The following SPPL3 variants were observed in gnomAD, a reference collection of about 807,000 sequenced individuals.
The protein encoded by SPPL3 is signal peptide peptidase-like 3.
In SPPL3, 5 loss-of-function variants were observed where a neutral mutation model predicts 42.4. The ratio of observed to expected loss-of-function variants is 0.12; its 90% CI spans 0.06 to 0.25. The LOEUF is 0.25. Among genes scored for constraint, SPPL3 ranks in the 10% least tolerant of loss-of-function variants. SPPL3 has a pLI of 1.00. For synonymous variants in SPPL3, 195 were observed against 181.8 expected (o/e 1.07, Z -0.58); for missense variants, 235 against 489.0 (o/e 0.48, Z 4.90).
chr12:120,895,102 G>A (rs1873760303), intron 1 of SPPL3, among the ~76,000 whole-genome samples: 1 of 152,024 alleles, frequency 6.6e-6, no homozygotes, highest in South Asian at 2.1e-4. Context: ...AGATCATGAA[G>A]GAAACTGTCT....
At chr12:120,835,888 G>C (rs1871603464) in intron 1 of SPPL3, among the ~76,000 whole-genome samples, 1 of 152,106 alleles carries the variant, frequency 6.6e-6, no homozygotes, top group Admixed American at 6.5e-5. Flanking sequence ...CCTTAGATTT[G>C]GTTGGTAACT....
chr12:120,767,331 T>C (rs1868949492), intron 9 of SPPL3, 63 bp downstream of exon 9: 2 of 1,545,674 alleles, frequency 1.3e-6, no homozygotes, highest in Non-Finnish European at 1.8e-6. Context: ...AGACCTGATT[T>C]AATTCCAAAG....
At chr12:120,814,557 C>T (rs914508504) in intron 1 of SPPL3, among the ~76,000 whole-genome samples, 1 of 152,108 alleles carries the variant, frequency 6.6e-6, no homozygotes, top group Admixed American at 6.6e-5. Flanking sequence ...TTGCACACAT[C>T]TTCCAAAATT....
Position 120,810,737 on chromosome 12 carries a change from A to C in SPPL3, c.101+72T>G, listed in dbSNP as rs1870654203. 1.2e-5 allele frequency: 14 copies of C among 1,200,750 alleles called. No homozygotes were observed. The South Asian group carries it at 1.7e-4, about 14-fold the overall frequency. 74.4% of individuals were successfully genotyped at this position (1,200,750 alleles called of 1,614,324 possible). A position where few individuals can be genotyped will look rare whatever the true frequency, so the allele number is the denominator to read the frequency against. On this transcript the variant is annotated intron_variant, in intron 2 of 10. Transcript: ENST00000353487. ...TTTTCTTCACAGAGTAAGTTTTGGT[A>C]CCAGCACTTTCAGAGCAATGCTTCC... is the stretch of plus-strand genomic sequence containing the variant.
chr12:120,766,036 G>A (rs1002787306), intron 10 of SPPL3, among the ~76,000 whole-genome samples: 5 of 151,904 alleles, frequency 3.3e-5, no homozygotes, highest in Non-Finnish European at 7.4e-5. Context: ...TAGCTCATCA[G>A]CATTTTCTGT....
chr12:120,853,979 C>CACAT (rs747806530), intron 1 of SPPL3, among the ~76,000 whole-genome samples: 2 of 97,356 alleles, frequency 2.1e-5, no homozygotes, highest in African/African-American at 7.6e-5. Context: ...CACACACGCA[C>CACAT]ACATACACAC....
At position 120,852,777 on chromosome 12, in the gene SPPL3, A is replaced by AC. The variant is rs1307530615; in HGVS notation, c.24-41892_24-41891insG. Among the ~76,000 whole-genome samples the AC allele has an allele frequency of 1.9e-3, 261 of 137,044 alleles. 40 individuals are homozygous for AC. The highest frequency in any genetic ancestry group is 2.7e-3 in the Non-Finnish European group (175 of 64,388). 89.9% of individuals were successfully genotyped at this position (137,044 alleles called of 152,430 possible). On this transcript the variant is annotated intron_variant, in intron 1 of 10. Coordinates refer to ENST00000353487, the MANE Select transcript of SPPL3 (RefSeq NM_139015.5). Reference sequence around the variant, plus strand: ...TATTATATCTATGTATATTATATATAAAATATATTTCATATATCATATATA... The same window carrying AC: ...TATTATATCTATGTATATTATATATACAAATATATTTCATATATCATATATA...
At chr12:120,830,970 G>A (rs908835547) in intron 1 of SPPL3, among the ~76,000 whole-genome samples, 6 of 152,182 alleles carry the variant, frequency 3.9e-5, no homozygotes, top group Non-Finnish European at 7.3e-5. Context: ...CAGCACTGAA[G>A]TGGGAACTGA....
chr12:120,767,653 T>C (rs1000993721), intron 8 of SPPL3, 60 bp from the exon 9 acceptor site: 1 of 1,566,384 alleles, frequency 6.4e-7, no homozygotes, highest in Non-Finnish European at 8.8e-7. Context: ...TCTATTCCTT[T>C]TGTGCAAAGT....
chr12:120,864,529 T>C (rs1026435062), intron 1 of SPPL3, among the ~76,000 whole-genome samples: 1 of 151,842 alleles, frequency 6.6e-6, no homozygotes. Context: ...CGAAACCCCA[T>C]CTCAAAAAAC....
At chr12:120,778,522 C>T (rs188039929) in intron 6 of SPPL3, among the ~76,000 whole-genome samples, 57 of 152,168 alleles carry the variant, frequency 3.7e-4, no homozygotes, top group Middle Eastern at 6.8e-3. Context: ...ATGGTCACAT[C>T]ACCCCCAAAA....
Position 120,783,718 on chromosome 12 carries a change from G to A in SPPL3, c.345C>T (p.Leu115=). The A allele has an allele frequency of 6.2e-7, 1 of 1,613,758 alleles. No homozygotes were observed. The highest frequency in any genetic ancestry group is 8.5e-7 in the Non-Finnish European group (1 of 1,179,818). Residue 115 remains leucine (L), a synonymous_variant, in exon 5 of 11, where the codon CTC becomes CTT. Transcript: ENST00000353487. ...LATIAFAFLL[L]PMCQYLTRPC... is the part of the protein sequence containing the mutation. Reference sequence around the variant, plus strand: ...GTCTTGTTAAATACTGGCACATCGGGAGGAGAAGAAAAGCAAAAGCTATCG... The same window carrying A: ...GTCTTGTTAAATACTGGCACATCGGAAGGAGAAGAAAAGCAAAAGCTATCG...
chr12:120,809,868 G>T (rs565968267), intron 2 of SPPL3, among the ~76,000 whole-genome samples: 1 of 152,110 alleles, frequency 6.6e-6, no homozygotes, highest in African/African-American at 2.4e-5. Context: ...CAGCAATTTT[G>T]TATGGCTCAA....
chr12:120,883,568 A>C (rs1217855713), intron 1 of SPPL3, among the ~76,000 whole-genome samples: 4 of 152,194 alleles, frequency 2.6e-5, no homozygotes, highest in African/African-American at 4.8e-5. Context: ...AAGAATGTTC[A>C]CAAGACTCCT....
Position 120,838,468 on chromosome 12 carries a change from G to A in SPPL3, c.24-27582C>T, listed in dbSNP as rs142933893. 5.9e-3 allele frequency among the ~76,000 whole-genome samples: 897 copies of A among 152,264 alleles called. 11 individuals carry two copies. The highest frequency in any genetic ancestry group is 0.02 in the African/African-American group (811 of 41,556). On this transcript the variant is annotated intron_variant, in intron 1 of 10. Transcript: ENST00000353487. ...ATCAGGGGCCAAGAAGATTTGATTCGGGGACTTCCATTTAAGCCTCCTGGG... is the reference window on the plus strand; with the variant it reads ...ATCAGGGGCCAAGAAGATTTGATTCAGGGACTTCCATTTAAGCCTCCTGGG...
intron 1 of SPPL3, 113 bp downstream of exon 1, chr12:120,903,732 G>GCCCCCCCC: frequency 1.3e-5 from 5 of 385,018 alleles, no homozygotes; most frequent in Middle Eastern, 7.4e-4. Flanking sequence ...CCCAACCCGC[G>GCCCCCCCC]CCCCCCCCCC....
chr12:120,773,927 T>G, intron 6 of SPPL3, among the ~76,000 whole-genome samples: 1 of 152,176 alleles, frequency 6.6e-6, no homozygotes, highest in East Asian at 1.9e-4. Flanking sequence ...TGTACTCAAT[T>G]TGCCATAGAA....
chr12:120,831,519 T>C (rs1008985839), intron 1 of SPPL3, among the ~76,000 whole-genome samples: 7 of 152,204 alleles, frequency 4.6e-5, no homozygotes, highest in South Asian at 4.1e-4. Context: ...CTTTGCATGC[T>C]CACTGTTTAT....
At chr12:120,771,022 C>T (rs987252698) in intron 6 of SPPL3, among the ~76,000 whole-genome samples, 4 of 152,204 alleles carry the variant, frequency 2.6e-5, no homozygotes, top group Admixed American at 6.5e-5. Context: ...CTCTTTTACA[C>T]CCTGCCTGGC....
Sources: allele counts gnomAD v4.1 joint callset (sites outside exome capture counted in the v4.1 genomes callset), GRCh38; gene constraint gnomAD v4.1.1; transcripts MANE v1.5; gene names NCBI Gene and HGNC (gene_info 2026-07-23, HGNC 2026-07-21).